OR56B2: variants seen among roughly 807,000 people sequenced by gnomAD.
OR56B2 encodes the protein olfactory receptor family 56 subfamily B member 2, also known as olfactory receptor 56B2.
chr11:5,762,490 T>G, the OR56B2 span, among the ~76,000 whole-genome samples: 1 of 152,114 alleles, frequency 6.6e-6, no homozygotes, highest in Non-Finnish European at 1.5e-5. Flanking sequence ...CTGATATTCA[T>G]GCATCTTCTT....
At chr11:5,765,726 G>C in the OR56B2 span, 2 of 139,790 alleles carry the variant, frequency 1.4e-5, 1 homozygote, top group Non-Finnish European at 3.2e-5. Flanking sequence ...GGTCCTTTTG[G>C]CTTGGACACT....
chr11:5,767,953 T>C, the OR56B2 span, among the ~76,000 whole-genome samples: 1 of 139,878 alleles, frequency 7.1e-6, no homozygotes, highest in Non-Finnish European at 1.6e-5. Context: ...TGAAGTTTCC[T>C]TTTGAGGTAA....
the OR56B2 span, among the ~76,000 whole-genome samples, chr11:5,768,375 T>C: frequency 1.6e-4 from 22 of 140,346 alleles, 3 homozygotes; most frequent in African/African-American, 4.9e-4. Context: ...TCATAATCTA[T>C]GCACGTTGCT....
the OR56B2 span, chr11:5,766,869 C>T: frequency 7.2e-6 from 1 of 139,082 alleles, no homozygotes; most frequent in African/African-American, 2.6e-5. Flanking sequence ...CAGGACCCAA[C>T]TTTTAATAAT....
At chr11:5,766,480 C>CT in the OR56B2 span, 1 of 139,930 alleles carries the variant, frequency 7.1e-6, no homozygotes, top group East Asian at 2.1e-4. Context: ...TCATGATTTG[C>CT]TTTATTATGT....
chr11:5,767,640 T>C, the OR56B2 span, among the ~76,000 whole-genome samples: 2 of 139,464 alleles, frequency 1.4e-5, 1 homozygote, highest in Admixed American at 1.5e-4. Context: ...TAAAAATTGC[T>C]AAATTTAACA....
the OR56B2 span, among the ~76,000 whole-genome samples, chr11:5,768,374 A>G: frequency 1.4e-5 from 2 of 140,118 alleles, no homozygotes; most frequent in Non-Finnish European, 3.2e-5. Flanking sequence ...CTCATAATCT[A>G]TGCACGTTGC....
the OR56B2 span, among the ~76,000 whole-genome samples, chr11:5,767,981 T>C: frequency 0.087 from 12,142 of 139,312 alleles, 2,601 homozygotes; most frequent in East Asian, 0.24. Context: ...ATTGTGAAAT[T>C]AGATAGTGGC....
the OR56B2 span, among the ~76,000 whole-genome samples, chr11:5,764,314 T>C: frequency 0.078 from 10,981 of 141,028 alleles, 2,266 homozygotes; most frequent in African/African-American, 0.11. Context: ...TGTGTGTGCA[T>C]GTGCGTGCAT....
chr11:5,765,701 C>T, the OR56B2 span: 1 of 140,038 alleles, frequency 7.1e-6, no homozygotes, highest in Admixed American at 7.4e-5. Context: ...ATCGAAGAAT[C>T]AATAGCATTA....
the OR56B2 span, chr11:5,767,184 C>G: frequency 7.2e-6 from 1 of 139,408 alleles, no homozygotes; most frequent in African/African-American, 2.6e-5. Flanking sequence ...CAAAACCCAA[C>G]GGGCTTCCCA....
the OR56B2 span, among the ~76,000 whole-genome samples, chr11:5,768,266 C>G: frequency 4.3e-4 from 58 of 134,736 alleles, 10 homozygotes; most frequent in African/African-American, 1.5e-3. Context: ...ATTTCACACT[C>G]TATGCCTATG....
At chr11:5,761,547 T>A in the OR56B2 span, among the ~76,000 whole-genome samples, 7 of 152,226 alleles carry the variant, frequency 4.6e-5, no homozygotes, top group African/African-American at 1.7e-4. Context: ...TGGCATATTT[T>A]ATTTTATTAG....
the OR56B2 span, among the ~76,000 whole-genome samples, chr11:5,762,668 G>A: frequency 1.3e-5 from 2 of 152,090 alleles, no homozygotes; most frequent in East Asian, 1.9e-4. Flanking sequence ...AGCTGGAAGA[G>A]AATAATTTAA....
the OR56B2 span, chr11:5,765,415 C>T: frequency 7.1e-6 from 1 of 141,322 alleles, no homozygotes; most frequent in South Asian, 2.3e-4. Context: ...GAGTGCTTTG[C>T]TCAGATGTAT....
chr11:5,764,566 T>C, the OR56B2 span, among the ~76,000 whole-genome samples: 19 of 140,844 alleles, frequency 1.3e-4, 3 homozygotes, highest in Middle Eastern at 3.7e-3. Flanking sequence ...TCATACATTT[T>C]AATAAAAAGT....
the OR56B2 span, among the ~76,000 whole-genome samples, chr11:5,762,591 A>T: frequency 6.6e-6 from 1 of 152,102 alleles, no homozygotes; most frequent in Non-Finnish European, 1.5e-5. Context: ...AGAATGAATA[A>T]AACCTAGTAT....
At chr11:5,762,838 T>G in the OR56B2 span, among the ~76,000 whole-genome samples, 1 of 152,116 alleles carries the variant, frequency 6.6e-6, no homozygotes, top group Non-Finnish European at 1.5e-5. Flanking sequence ...TACTTTACCA[T>G]AACCATACTT....
chr11:5,768,632 T>G, the OR56B2 span, among the ~76,000 whole-genome samples: 1 of 139,848 alleles, frequency 7.2e-6, no homozygotes, highest in Non-Finnish European at 1.6e-5. Context: ...TTCTTGAATA[T>G]TTCCGTACTG....
Sources: allele counts gnomAD v4.1 joint callset (sites outside exome capture counted in the v4.1 genomes callset), GRCh38; gene constraint gnomAD v4.1.1; transcripts MANE v1.5; gene names NCBI Gene and HGNC (gene_info 2026-07-23, HGNC 2026-07-21).